ARMH4: variants seen among roughly 807,000 people sequenced by gnomAD.
ARMH4 encodes the protein armadillo like helical domain containing 4.
Under a neutral mutation model 61.9 loss-of-function variants are expected in ARMH4, and 49 were observed. The observed-to-expected ratio is 0.79, with a 90% confidence interval of 0.63 to 1.00. ARMH4 has a LOEUF of 1.00. ARMH4 is among the 50% of genes least tolerant of loss of function. ARMH4 has a pLI of 0.00. For missense variants in ARMH4, 934 were observed against 930.0 expected (o/e 1.00, Z -0.06); for synonymous variants, 368 against 341.5 (o/e 1.08, Z -0.85).
At chr14:58,060,638 T>C (rs1218031308) in intron 5 of ARMH4, among the ~76,000 whole-genome samples, 1 of 152,162 alleles carries the variant, frequency 6.6e-6, no homozygotes, top group African/African-American at 2.4e-5. Context: ...CGAATCTGTA[T>C]TAAAAGTTGT....
chr14:58,147,662 C>G (rs540798935), intron 1 of ARMH4, among the ~76,000 whole-genome samples: 91 of 152,220 alleles, frequency 6.0e-4, no homozygotes, highest in South Asian at 2.3e-3. Context: ...AGACAGCTAC[C>G]ACTTAGGAGC....
intron 5 of ARMH4, among the ~76,000 whole-genome samples, chr14:58,044,684 T>C (rs1246788391): frequency 1.5e-4 from 23 of 151,922 alleles, no homozygotes; most frequent in Non-Finnish European, 3.1e-4. Flanking sequence ...AGGCAACCTA[T>C]AAAATGGGAG....
chr14:58,100,554 G>C (rs1339412962), intron 4 of ARMH4, among the ~76,000 whole-genome samples: 1 of 152,164 alleles, frequency 6.6e-6, no homozygotes, highest in Non-Finnish European at 1.5e-5. Flanking sequence ...ATGGACCAGG[G>C]ACTCTAATTA....
chr14:58,094,316 T>G (rs1594752954), intron 5 of ARMH4, among the ~76,000 whole-genome samples: 2 of 115,760 alleles, frequency 1.7e-5, no homozygotes, highest in Admixed American at 9.4e-5. Flanking sequence ...AGCAACAGAG[T>G]GAGACGCTTT....
At chr14:58,009,238 G>A (rs984246497) in intron 6 of ARMH4, among the ~76,000 whole-genome samples, 5 of 152,098 alleles carry the variant, frequency 3.3e-5, no homozygotes, top group South Asian at 2.1e-4. Flanking sequence ...TTCAAGATAC[G>A]TTCTATAAAA....
In ARMH4 at chr14:58,132,566, ACTAAACC is replaced by A. The variant is rs1407026756; in HGVS notation, c.1621+517_1621+523del. 2.9e-5 allele frequency among the ~76,000 whole-genome samples: 4 copies of A among 135,936 alleles called. No homozygotes were observed. In the East Asian group the frequency reaches 8.7e-4, roughly 29 times the overall value. 89.2% of individuals were successfully genotyped at this position (135,936 alleles called of 152,430 possible). On this transcript the variant is annotated intron_variant, in intron 3 of 7. Transcript: ENST00000267485. ...AGCCACCAGGAGACCTTACTTACAA[ACTAAACC>A]CTTGTCCCTTTTTTTTTTTTTTTTT...
At chr14:58,144,862 C>T (rs1371284780) in intron 1 of ARMH4, among the ~76,000 whole-genome samples, 1 of 151,256 alleles carries the variant, frequency 6.6e-6, no homozygotes, top group Admixed American at 6.6e-5. Flanking sequence ...AACAAGACTC[C>T]ATCTCAAAAA....
intron 5 of ARMH4, among the ~76,000 whole-genome samples, chr14:58,075,588 C>CACCACAT (rs778091372): frequency 4.5e-4 from 68 of 150,804 alleles, no homozygotes; most frequent in South Asian, 2.5e-3. Context: ...GAACATCACA[C>CACCACAT]ACCGGGGCCT....
intron 5 of ARMH4, 107 bp downstream of exon 5, chr14:58,096,617 G>A (rs1594754295): frequency 2.2e-6 from 3 of 1,335,320 alleles, no homozygotes; most frequent in Non-Finnish European, 3.0e-6. Context: ...CATAAACAAA[G>A]AAAATCCATT....
chr14:58,089,771 C>T (rs1004099283), intron 5 of ARMH4, among the ~76,000 whole-genome samples: 1 of 152,190 alleles, frequency 6.6e-6, no homozygotes, highest in Non-Finnish European at 1.5e-5. Flanking sequence ...GATCAGACAG[C>T]GCATCCTTGA....
chr14:58,008,847 T>A (rs1220472212), intron 6 of ARMH4, among the ~76,000 whole-genome samples: 1 of 152,224 alleles, frequency 6.6e-6, no homozygotes, highest in Non-Finnish European at 1.5e-5. Flanking sequence ...ATGCATTTTC[T>A]GGATGGTTTC....
intron 5 of ARMH4, among the ~76,000 whole-genome samples, chr14:58,046,146 T>G (rs1883932332): frequency 6.6e-6 from 1 of 152,182 alleles, no homozygotes; most frequent in Non-Finnish European, 1.5e-5. Context: ...ACAGGGTGCC[T>G]CATTATGCAC....
rs72714795 is a variant in ARMH4, at chr14:58,064,814, G to A, written c.2089+31910C>T. Among the ~76,000 whole-genome samples, 953 of 152,278 alleles carry A rather than the reference G, an allele frequency of 6.3e-3. 4 individuals are homozygous for A. The highest frequency in any genetic ancestry group is 0.01 in the Non-Finnish European group (701 of 68,004). On this transcript the variant is annotated intron_variant, in intron 5 of 7. Coordinates refer to ENST00000267485, the MANE Select transcript of ARMH4 (RefSeq NM_001001872.4). ...CAAAAAAATGTTTCACAGAAAGTAT[G>A]TTGTCAGCCAGAGTACAATTCACTC...
chr14:58,102,290 T>C (rs1812966685), intron 4 of ARMH4, among the ~76,000 whole-genome samples: 1 of 151,944 alleles, frequency 6.6e-6, no homozygotes, highest in South Asian at 2.1e-4. Context: ...AGAACCATGG[T>C]GGTGCAGTGA....
At chr14:58,126,802 ATT>A (rs34763780) in intron 4 of ARMH4, among the ~76,000 whole-genome samples, 18 of 137,194 alleles carry the variant, frequency 1.3e-4, no homozygotes, top group African/African-American at 2.4e-4. Context: ...TCTCCATTGG[ATT>A]TTTTTTTTTT....
rs367587602 is a variant in ARMH4, at chr14:58,135,528, T to G, written c.1370-2187A>C. On this transcript the variant is annotated intron_variant, in intron 2 of 7. Coordinates refer to ENST00000267485, the MANE Select transcript of ARMH4 (RefSeq NM_001001872.4). ...AGAAATGTCAAAATGCATAGTATCT[T>G]GAATAAATAATTGCTGTTAGAAAAG... Among the ~76,000 whole-genome samples the G allele has an allele frequency of 2.0e-5, 3 of 150,862 alleles. No homozygotes were observed. In the East Asian group the frequency reaches 5.8e-4, roughly 29 times the overall value.
intron 5 of ARMH4, among the ~76,000 whole-genome samples, chr14:58,059,942 A>G (rs538148622): frequency 6.6e-6 from 1 of 152,310 alleles, no homozygotes; most frequent in African/African-American, 2.4e-5. Flanking sequence ...GCTAAGTAAC[A>G]GGATCTGTCA....
At chr14:58,101,881 T>C (rs935517045) in intron 4 of ARMH4, among the ~76,000 whole-genome samples, 1 of 152,194 alleles carries the variant, frequency 6.6e-6, no homozygotes, top group Non-Finnish European at 1.5e-5. Flanking sequence ...AGAAGAAGTC[T>C]GTTCTTTAAT....
chr14:58,107,763 CAAA>C lies in ARMH4; in HGVS notation c.1832-10785_1832-10783del, dbSNP rs34507217. ...TGGGCGACAGAGCAAGACTCCATCT[CAAA>C]AAAAAAAAAAAAAAAAAAATTAGCC... On this transcript the variant is annotated intron_variant, in intron 4 of 7. Coordinates refer to ENST00000267485, the MANE Select transcript of ARMH4 (RefSeq NM_001001872.4). 3.9e-3 allele frequency among the ~76,000 whole-genome samples: 383 copies of C among 97,312 alleles called. 3 individuals carry two copies. The highest frequency in any genetic ancestry group is 0.015 in the East Asian group (54 of 3,528). The allele number at this position is 97,312 out of a possible 152,430, so 63.8% of individuals were successfully genotyped here. A position where few individuals can be genotyped will look rare whatever the true frequency, so the allele number is the denominator to read the frequency against.
Sources: gnomAD v4.1 joint callset for allele counts (sites outside exome capture counted in the v4.1 genomes callset) on GRCh38, gnomAD v4.1.1 for gene constraint, MANE v1.5 for transcripts, NCBI Gene and HGNC (gene_info 2026-07-23, HGNC 2026-07-21) for gene names.